FHOD3: variants seen among roughly 807,000 people sequenced by gnomAD.
The protein encoded by FHOD3 is FH1/FH2 domain-containing protein 3.
A neutral mutation model predicts 173.0 loss-of-function variants in FHOD3; 90 were observed. That is an observed-to-expected ratio of 0.52 (90% confidence interval 0.44 to 0.62). FHOD3 has a LOEUF of 0.62. FHOD3 is among the 20% of genes least tolerant of loss of function. The pLI, the probability that FHOD3 is intolerant of heterozygous loss-of-function variation, is 0.00. For missense variants in FHOD3, 1,945 were observed against 2,034.7 expected (o/e 0.96, Z 0.85); for synonymous variants, 828 against 823.0 (o/e 1.01, Z -0.10).
At position 36,647,274 on chromosome 18, in the gene FHOD3, T is replaced by A. The variant is rs185729979; in HGVS notation, c.1197-2042T>A. Reference sequence around the variant, plus strand: ...ACACTTCTTCAAATACAAAAAAAAATTCATTTTTTTAATGGGCAAAAAACT... The same window carrying A: ...ACACTTCTTCAAATACAAAAAAAAAATCATTTTTTTAATGGGCAAAAAACT... On this transcript the variant is annotated intron_variant, in intron 10 of 28. Transcript: ENST00000590592. Among the ~76,000 whole-genome samples the A allele has an allele frequency of 4.7e-3, 711 of 152,162 alleles. 6 individuals are homozygous for A. Among genetic ancestry groups the A allele is most frequent in the Non-Finnish European group, 8.3e-3 (561 of 67,980 alleles).
intron 8 of FHOD3, among the ~76,000 whole-genome samples, chr18:36,610,551 A>G (rs1363401271): frequency 6.6e-6 from 1 of 152,214 alleles, no homozygotes. Context: ...GGGGCCTTGA[A>G]TAATTAGGCT....
At chr18:36,518,176 G>A (rs945195920) in intron 5 of FHOD3, among the ~76,000 whole-genome samples, 6 of 152,190 alleles carry the variant, frequency 3.9e-5, no homozygotes, top group Non-Finnish European at 7.3e-5. Context: ...CCAAGGTGAG[G>A]AAATGGGAGC....
intron 3 of FHOD3, among the ~76,000 whole-genome samples, chr18:36,457,532 G>A (rs533702041): frequency 1.5e-4 from 22 of 151,112 alleles, no homozygotes; most frequent in South Asian, 1.0e-3. Context: ...CAGTAAAAAG[G>A]CAGTCTTCAA....
intron 5 of FHOD3, among the ~76,000 whole-genome samples, chr18:36,562,505 G>A (rs995111984): frequency 1.4e-4 from 21 of 152,180 alleles, no homozygotes; most frequent in Non-Finnish European, 2.1e-4. Flanking sequence ...CAAACATGCA[G>A]CTGTGCAGCT....
intron 3 of FHOD3, among the ~76,000 whole-genome samples, chr18:36,432,365 G>A (rs2050595720): frequency 6.6e-6 from 1 of 152,178 alleles, no homozygotes; most frequent in African/African-American, 2.4e-5. Flanking sequence ...AAATTCGTGA[G>A]ATGCAGCTTT....
chr18:36,399,357 G>A (rs1053682780), intron 3 of FHOD3, among the ~76,000 whole-genome samples: 3 of 152,198 alleles, frequency 2.0e-5, no homozygotes, highest in Admixed American at 6.5e-5. Context: ...TGCACCTATG[G>A]GTCTGTGAGC....
At chr18:36,453,083 C>T (rs537071020) in intron 3 of FHOD3, among the ~76,000 whole-genome samples, 17 of 151,814 alleles carry the variant, frequency 1.1e-4, no homozygotes, top group Non-Finnish European at 2.5e-4. Context: ...TATGAAGGTT[C>T]CTCAAAAAAT....
intron 9 of FHOD3, among the ~76,000 whole-genome samples, chr18:36,614,359 A>G (rs1053052610): frequency 2.0e-5 from 3 of 152,238 alleles, no homozygotes; most frequent in Admixed American, 1.3e-4. Flanking sequence ...ACAGTATTCT[A>G]TTATATGGAT....
intron 26 of FHOD3, 114 bp from the exon 27 acceptor site, chr18:36,760,494 T>C: frequency 1.0e-6 from 1 of 1,004,750 alleles, no homozygotes; most frequent in Non-Finnish European, 1.4e-6. Flanking sequence ...TGAATGTGTC[T>C]GCAAACAAAA....
chr18:36,681,995 A>T (rs563793568), intron 15 of FHOD3, among the ~76,000 whole-genome samples: 1 of 152,186 alleles, frequency 6.6e-6, no homozygotes, highest in Non-Finnish European at 1.5e-5. Context: ...ACAATCTTCA[A>T]TATTTTTTGT....
chr18:36,424,265 T>C (rs762971953), intron 3 of FHOD3, among the ~76,000 whole-genome samples: 7 of 152,242 alleles, frequency 4.6e-5, no homozygotes, highest in Non-Finnish European at 8.8e-5. Flanking sequence ...TTTTTTGTAG[T>C]ATTTATGTAT....
intron 19 of FHOD3, among the ~76,000 whole-genome samples, chr18:36,720,705 C>A (rs78260495): frequency 6.6e-6 from 1 of 150,764 alleles, no homozygotes; most frequent in African/African-American, 2.4e-5. Flanking sequence ...TCCTTCTCCT[C>A]CTCCTCCTCC....
chr18:36,347,606 A>G (rs1478378530), intron 1 of FHOD3, among the ~76,000 whole-genome samples: 2 of 152,238 alleles, frequency 1.3e-5, no homozygotes, highest in Non-Finnish European at 2.9e-5. Context: ...ATTATTTCAT[A>G]ACCCATATAT....
At chr18:36,563,559 T>C (rs997557020) in intron 5 of FHOD3, among the ~76,000 whole-genome samples, 1 of 152,206 alleles carries the variant, frequency 6.6e-6, no homozygotes, top group African/African-American at 2.4e-5. Flanking sequence ...ATCCTAACCA[T>C]ACAGGATCCA....
At chr18:36,711,242 T>C (rs1323837668) in intron 18 of FHOD3, 1 of 152,250 alleles carries the variant, frequency 6.6e-6, no homozygotes, top group East Asian at 1.9e-4. Context: ...TCCGGGCAGC[T>C]ATGTCATTAT....
chr18:36,556,233 A>G (rs1568422747), intron 5 of FHOD3, among the ~76,000 whole-genome samples: 1 of 152,182 alleles, frequency 6.6e-6, no homozygotes, highest in Non-Finnish European at 1.5e-5. Context: ...TTGACCCTTG[A>G]ACAATATGAG....
chr18:36,483,542 C>T (rs1490701121), intron 3 of FHOD3, among the ~76,000 whole-genome samples: 1 of 152,200 alleles, frequency 6.6e-6, no homozygotes, highest in African/African-American at 2.4e-5. Context: ...GTCTGCACTC[C>T]ACTGGCTCTT....
At chr18:36,581,743 C>G (rs1313436846) in intron 6 of FHOD3, among the ~76,000 whole-genome samples, 1 of 152,166 alleles carries the variant, frequency 6.6e-6, no homozygotes, top group Non-Finnish European at 1.5e-5. Context: ...CATTAGAGAA[C>G]CTATGAGCCC....
chr18:36,335,039 C>T (rs2045232764), intron 1 of FHOD3, among the ~76,000 whole-genome samples: 1 of 152,288 alleles, frequency 6.6e-6, no homozygotes, highest in East Asian at 1.9e-4. Context: ...GGAGCAGCTG[C>T]AAATCTCCAG....
Sources: gnomAD v4.1 joint callset for allele counts (sites outside exome capture counted in the v4.1 genomes callset) on GRCh38, gnomAD v4.1.1 for gene constraint, MANE v1.5 for transcripts, NCBI Gene and HGNC (gene_info 2026-07-23, HGNC 2026-07-21) for gene names.